Variants in OR4M1 observed in about 807,000 individuals in gnomAD.
OR4M1 encodes the protein olfactory receptor family 4 subfamily M member 1.
OR4M1 carries 7 observed loss-of-function variants against 9.8 expected under a neutral mutation model. That is an observed-to-expected ratio of 0.71 (90% CI 0.41 to 1.34). The LOEUF (loss-of-function observed/expected upper bound fraction) is 1.34, where lower values mean the gene tolerates loss of function less well. Ranked by LOEUF, OR4M1 falls within the 40% of genes most tolerant of loss-of-function variation. The probability of loss-of-function intolerance (pLI) is 0.01; values close to 1 mark genes in which losing one functional copy is unlikely to be tolerated. For synonymous variants in OR4M1, 121 were observed against 139.8 expected, an observed-to-expected ratio of 0.87 and a Z score of 0.95; for missense variants, 331 against 380.4, an observed-to-expected ratio of 0.87 and a Z score of 1.08.
intron 1 of OR4M1, among the ~76,000 whole-genome samples, chr14:19,777,007 C>T (rs1390356225): frequency 8.7e-5 from 4 of 45,924 alleles, no homozygotes; most frequent in Admixed American, 2.6e-4. Flanking sequence ...TTGTTTAAGC[C>T]ATATATATAT....
Position 19,780,958 on chromosome 14 carries a change from T to G in OR4M1, c.636T>G (p.Ile212Met), listed in dbSNP as rs1198993649. 2 of 1,614,114 alleles carry G rather than the reference T, an allele frequency of 1.2e-6. No homozygotes were observed. Among genetic ancestry groups the G allele is most frequent in the African/African-American group, 2.7e-5 (2 of 74,952 alleles). The stretch of plus-strand genomic sequence containing the variant: ...GTCTGATCTCTGTGGTGTGTTTCAT[T>G]GCTCTGTTAATGTCCTATGCCTTCC... ...SSGLISVVCF[I>M]ALLMSYAFLL... The change falls in exon 2 of 2, where the codon ATT (isoleucine) becomes ATG (methionine). Residue 212 changes from isoleucine to methionine, a missense_variant. Ile to Met is a conservative substitution (Grantham distance 10). Coordinates refer to ENST00000641200, the MANE Select transcript of OR4M1 (RefSeq NM_001005500.2).
chr14:19,780,613 C>A lies in OR4M1; in HGVS notation c.291C>A (p.Cys97Ter), dbSNP rs1484653562. Residue 97 changes from cysteine to a stop codon, truncating the protein, a stop_gained, in exon 2 of 2, where the codon TGC (cysteine) becomes TGA (stop). Coordinates refer to ENST00000641200, the MANE Select transcript of OR4M1 (RefSeq NM_001005500.2). LOFTEE classifies it high-confidence loss of function. ...VERKIISFGG[C>*]IAQLFFLHFV... ...GGAAGATAATTTCCTTTGGTGGATGCATTGCACAGCTCTTCTTCTTACACT... is the reference window on the plus strand; with the variant it reads ...GGAAGATAATTTCCTTTGGTGGATGAATTGCACAGCTCTTCTTCTTACACT... 1.2e-6 allele frequency: 2 copies of A among 1,614,114 alleles called. No individual in the cohort carries two copies. Among genetic ancestry groups the A allele is most frequent in the East Asian group, 2.2e-5 (1 of 44,898 alleles).
chr14:19,780,249 G>C (rs924232448), intron 1 of OR4M1, 45 bp from the exon 2 acceptor site: 8 of 1,440,312 alleles, frequency 5.6e-6, no homozygotes, highest in Non-Finnish European at 6.6e-6. Context: ...TATAACTCTA[G>C]ATAAATGCTA....
intron 1 of OR4M1, among the ~76,000 whole-genome samples, chr14:19,779,849 T>C (rs1398140618): frequency 6.6e-6 from 1 of 152,246 alleles, no homozygotes; most frequent in East Asian, 1.9e-4. Flanking sequence ...GATCTGTATG[T>C]GTGCTATTAG....
rs558673032 is a variant in OR4M1, at chr14:19,782,553, A to G, written c.*1289A>G. The G allele has an allele frequency of 6.6e-6, 1 of 152,246 alleles. No homozygotes were observed. The highest frequency in any genetic ancestry group is 1.5e-5 in the Non-Finnish European group (1 of 68,044). The allele number at this position is 152,246 out of a possible 1,614,324, so 9.4% of individuals were successfully genotyped here. The stretch of plus-strand genomic sequence containing the variant: ...AAATCGTATAACTATTCCTAGAGTT[A>G]CTATTTATTTACAGAGATTTATTTA... On this transcript the variant is annotated 3_prime_UTR_variant, in exon 2 of 2. Coordinates refer to ENST00000641200, the MANE Select transcript of OR4M1 (RefSeq NM_001005500.2).
chr14:19,775,403 T>A (rs1457294427), intron 1 of OR4M1, among the ~76,000 whole-genome samples: 8 of 152,198 alleles, frequency 5.3e-5, no homozygotes, highest in Non-Finnish European at 1.0e-4. Flanking sequence ...CCTGTCATAA[T>A]AGCCACCCTG....
intron 1 of OR4M1, among the ~76,000 whole-genome samples, chr14:19,777,048 A>ATAGT (rs1878336308): frequency 1.7e-5 from 2 of 118,278 alleles, no homozygotes; most frequent in African/African-American, 6.6e-5. Context: ...ATATATATAT[A>ATAGT]TTGTTTGTTT....
In OR4M1 at chr14:19,781,371, A is replaced by G; in HGVS notation, c.*107A>G. On this transcript the variant is annotated 3_prime_UTR_variant, in exon 2 of 2. Coordinates refer to ENST00000641200, the MANE Select transcript of OR4M1 (RefSeq NM_001005500.2). ...ACTTCCTCCGTTCATTTGTGTTCTT[A>G]AAATTTTACTATAATTTTTCTCTAT... 1 of 1,042,578 alleles carries G rather than the reference A, an allele frequency of 9.6e-7. No individual in the cohort carries two copies. Among genetic ancestry groups the G allele is most frequent in the Non-Finnish European group, 1.4e-6 (1 of 735,426 alleles). 64.6% of individuals were successfully genotyped at this position (1,042,578 alleles called of 1,614,324 possible). A position where few individuals can be genotyped will look rare whatever the true frequency, so the allele number is the denominator to read the frequency against.
chr14:19,779,830 A>T (rs549206615), intron 1 of OR4M1, among the ~76,000 whole-genome samples: 106 of 152,340 alleles, frequency 7.0e-4, no homozygotes, highest in African/African-American at 2.3e-3. Flanking sequence ...CACAACTAAA[A>T]TACTGCTAGA....
Position 19,781,102 on chromosome 14 carries a change from T to G in OR4M1, c.780T>G (p.Tyr260Ter), listed in dbSNP as rs372591234. 6.2e-7 allele frequency: 1 copy of G among 1,614,272 alleles called. No individual in the cohort carries two copies. Among genetic ancestry groups the G allele is most frequent in the Non-Finnish European group, 8.5e-7 (1 of 1,180,044 alleles). Residue 260 changes from tyrosine to a stop codon, truncating the protein, a stop_gained, in exon 2 of 2, where the codon TAT becomes TAG. Coordinates refer to ENST00000641200, the MANE Select transcript of OR4M1 (RefSeq NM_001005500.2). LOFTEE classifies it high-confidence loss of function. ...TGTTTGGGCCATCCATCTACATTTA[T>G]GCTCGCCCATTTGACTCATTTTCCC... ...VLMFGPSIYI[Y>*]ARPFDSFSLD...
rs148413491 is a variant in OR4M1, at chr14:19,778,710, C to T, written c.-29-1584C>T. Among the ~76,000 whole-genome samples, 30 of 152,288 alleles carry T rather than the reference C, an allele frequency of 2.0e-4. No homozygotes were observed. In the East Asian group the frequency reaches 3.5e-3, roughly 18 times the overall value. Reference sequence around the variant, plus strand: ...ATATATTTATAAGCTATACCTGTTGCGTTATTAGTTATGGGGGCTATGAGC... The same window carrying T: ...ATATATTTATAAGCTATACCTGTTGTGTTATTAGTTATGGGGGCTATGAGC... On this transcript the variant is annotated intron_variant, in intron 1 of 1. Transcript: ENST00000641200.
At chr14:19,779,483 G>A (rs1878401273) in intron 1 of OR4M1, among the ~76,000 whole-genome samples, 1 of 152,222 alleles carries the variant, frequency 6.6e-6, no homozygotes, top group Non-Finnish European at 1.5e-5. Context: ...ATACAGGGCA[G>A]TAAGCAAAAT....
intron 1 of OR4M1, among the ~76,000 whole-genome samples, chr14:19,776,761 T>G (rs1234959356): frequency 6.6e-6 from 1 of 152,102 alleles, no homozygotes; most frequent in African/African-American, 2.4e-5. Context: ...TACCCAAGTA[T>G]GTATAGTTTA....
chr14:19,773,936 T>C (rs1878239008), intron 1 of OR4M1, among the ~76,000 whole-genome samples: 2 of 152,230 alleles, frequency 1.3e-5, no homozygotes, highest in African/African-American at 4.8e-5. Flanking sequence ...GATTTATGGG[T>C]CTTCAGAGCA....
At position 19,781,242 on chromosome 14, in the gene OR4M1, A is replaced by T; in HGVS notation, c.920A>T (p.Tyr307Phe). Residue 307 changes from tyrosine to phenylalanine, a missense_variant, in exon 2 of 2, where the codon TAT becomes TTT. Around this residue, in one of 2 missense-constraint regions of OR4M1, gnomAD observed 122 missense variants for 180.5 expected, o/e 0.68. Transcript: ENST00000641200. Reference sequence around the variant, plus strand: ...GCCATGAGGAAGGTGGTCACCAAATATATTTTGTGTGAAGAGAAGTGAAAG... The same window carrying T: ...GCCATGAGGAAGGTGGTCACCAAATTTATTTTGTGTGAAGAGAAGTGAAAG... ...KAAMRKVVTK[Y>F]ILCEEK 1 of 1,610,506 alleles carries T rather than the reference A, an allele frequency of 6.2e-7. No individual in the cohort carries two copies. Among genetic ancestry groups the T allele is most frequent in the Non-Finnish European group, 8.5e-7 (1 of 1,177,652 alleles).
rs1878546460 is a variant in OR4M1, at chr14:19,782,892, G to A, written c.*1628G>A. 3 of 152,068 alleles carry A rather than the reference G, an allele frequency of 2.0e-5. No homozygotes were observed. Among genetic ancestry groups the A allele is most frequent in the African/African-American group, 7.2e-5 (3 of 41,396 alleles). 9.4% of individuals were successfully genotyped at this position (152,068 alleles called of 1,614,324 possible). A position where few individuals can be genotyped will look rare whatever the true frequency, so the allele number is the denominator to read the frequency against. ...ATAATATGATAAAATGATGAGTTAT[G>A]TTTCTAAATCTTTTATCATCTTACT... On this transcript the variant is annotated 3_prime_UTR_variant, in exon 2 of 2. Coordinates refer to ENST00000641200, the MANE Select transcript of OR4M1 (RefSeq NM_001005500.2).
rs910659030 is a variant in OR4M1, at chr14:19,782,256, A to G, written c.*992A>G. ...TCCCATGATCCCTTAGAGAATTATT[A>G]GGGACTGATTTCCTATTTTCAAGCA... On this transcript the variant is annotated 3_prime_UTR_variant, in exon 2 of 2. Transcript: ENST00000641200. 2.0e-5 allele frequency: 3 copies of G among 152,282 alleles called. No homozygotes were observed. Among genetic ancestry groups the G allele is most frequent in the African/African-American group, 7.2e-5 (3 of 41,460 alleles). The allele number at this position is 152,282 out of a possible 1,614,324, so 9.4% of individuals were successfully genotyped here.
rs1878523273 is a variant in OR4M1 at position 19,782,265 on chromosome 14, T to C, written c.*1001T>C. The C allele has an allele frequency of 6.6e-6, 1 of 152,262 alleles. No individual in the cohort carries two copies. The highest frequency in any genetic ancestry group is 2.4e-5 in the African/African-American group (1 of 41,470). 9.4% of individuals were successfully genotyped at this position (152,262 alleles called of 1,614,324 possible). ...CCCTTAGAGAATTATTAGGGACTGA[T>C]TTCCTATTTTCAAGCACTAAAAACT... On this transcript the variant is annotated 3_prime_UTR_variant, in exon 2 of 2. Transcript: ENST00000641200.
At chr14:19,774,789 G>A (rs1310746174) in intron 1 of OR4M1, among the ~76,000 whole-genome samples, 1 of 152,100 alleles carries the variant, frequency 6.6e-6, no homozygotes, top group Non-Finnish European at 1.5e-5. Flanking sequence ...AGTAGGTACT[G>A]TTATTATTTC....
Sources: allele counts gnomAD v4.1 joint callset (sites outside exome capture counted in the v4.1 genomes callset), GRCh38; gene constraint gnomAD v4.1.1; regional missense constraint gnomAD v4.1.1; transcripts MANE v1.5; gene names NCBI Gene and HGNC (gene_info 2026-07-23, HGNC 2026-07-21).